Variants in TOX3 observed in about 807,000 individuals in gnomAD.
TOX3 encodes TOX high mobility group box family member 3, also known as CAG trinucleotide repeat-containing gene F9 protein.
TOX3 carries 22 observed loss-of-function variants against 64.3 expected under a neutral mutation model. The observed-to-expected ratio is 0.34, with a 90% CI of 0.24 to 0.49. The LOEUF is 0.49. TOX3 is among the 20% of genes least tolerant of loss of function. The probability of loss-of-function intolerance (pLI) is 0.99; values close to 1 mark genes in which losing one functional copy is unlikely to be tolerated. For synonymous variants in TOX3, 291 were observed against 273.6 expected (o/e 1.06, Z -0.63); for missense variants, 661 against 714.4 (o/e 0.93, Z 0.85).
At chr16:52,498,885 C>G (rs905267494) in intron 1 of TOX3, among the ~76,000 whole-genome samples, 3 of 152,120 alleles carry the variant, frequency 2.0e-5, no homozygotes, top group Non-Finnish European at 4.4e-5. Context: ...GTACGCGGGG[C>G]CTTATCACAG....
chr16:52,489,004 T>G (rs1265000012), intron 1 of TOX3, among the ~76,000 whole-genome samples: 1 of 152,158 alleles, frequency 6.6e-6, no homozygotes, highest in Admixed American at 6.5e-5. Context: ...TGTCCCTCAA[T>G]GGGTAAACAG....
rs536954464 is a variant in TOX3 at position 52,530,207 on chromosome 16, G to A, written c.87+16430C>T. 1.2e-4 allele frequency among the ~76,000 whole-genome samples: 18 copies of A among 152,280 alleles called. No individual in the cohort carries two copies. The South Asian group carries it at 2.3e-3, about 19-fold the overall frequency. ...GGCAACATTTATCATCAGGAAAAGC[G>A]TCCCAGGAAGTTGAATTCTAATGTA... is the stretch of plus-strand genomic sequence containing the variant. On this transcript the variant is annotated intron_variant, in intron 1 of 6. Coordinates refer to ENST00000219746, the MANE Select transcript of TOX3 (RefSeq NM_001080430.4).
chr16:52,480,929 G>A (rs899076741), intron 1 of TOX3, among the ~76,000 whole-genome samples: 1 of 148,306 alleles, frequency 6.7e-6, no homozygotes, highest in Middle Eastern at 3.6e-3. Context: ...TCTGAAGAGA[G>A]TTTTTTTTTT....
intron 1 of TOX3, among the ~76,000 whole-genome samples, chr16:52,477,477 G>A (rs533376486): frequency 1.3e-5 from 2 of 152,310 alleles, no homozygotes; most frequent in South Asian, 4.1e-4. Context: ...AACACTTCAA[G>A]GCTGGCAGGA....
At chr16:52,511,271 A>T (rs1962301278) in intron 1 of TOX3, among the ~76,000 whole-genome samples, 1 of 152,172 alleles carries the variant, frequency 6.6e-6, no homozygotes, top group Non-Finnish European at 1.5e-5. Context: ...AGAAGGGTGG[A>T]TCACGAGGTC....
intron 1 of TOX3, among the ~76,000 whole-genome samples, chr16:52,505,888 A>T (rs965480301): frequency 3.9e-5 from 6 of 152,278 alleles, no homozygotes; most frequent in Non-Finnish European, 7.4e-5. Context: ...AGGTGGGAGG[A>T]TTGATTGAGC....
In TOX3 at chr16:52,475,506, G is replaced by A. The variant is rs138604765; in HGVS notation, c.88-6932C>T. The A allele has an allele frequency of 2.6e-5, 4 of 152,244 alleles. No individual in the cohort carries two copies. In the East Asian group the frequency reaches 7.7e-4, roughly 29 times the overall value. 9.4% of individuals were successfully genotyped at this position (152,244 alleles called of 1,614,324 possible). On this transcript the variant is annotated intron_variant, in intron 1 of 6. Transcript: ENST00000219746. ...CCCAGAACTATCTACCTAGAAAAAG[G>A]CTTTATTCTAGAAAATGCACTAACC... is the stretch of plus-strand genomic sequence containing the variant.
chr16:52,539,128 C>A (rs967062837), intron 1 of TOX3, among the ~76,000 whole-genome samples: 1 of 152,116 alleles, frequency 6.6e-6, no homozygotes, highest in Non-Finnish European at 1.5e-5. Context: ...ACAAATGTGT[C>A]TTCCAAAAAA....
At chr16:52,510,728 C>A (rs115055521) in intron 1 of TOX3, among the ~76,000 whole-genome samples, 3,727 of 128,442 alleles carry the variant, frequency 0.029, 189 homozygotes, top group African/African-American at 0.11. Context: ...TGCACTCCAG[C>A]CTGGGAAACA....
At chr16:52,472,992 C>T (rs1296962985) in intron 1 of TOX3, among the ~76,000 whole-genome samples, 3 of 152,108 alleles carry the variant, frequency 2.0e-5, no homozygotes, top group East Asian at 1.9e-4. Context: ...GCTTTTGCTG[C>T]TTGATGAGTA....
intron 1 of TOX3, among the ~76,000 whole-genome samples, chr16:52,531,529 C>A (rs1375179593): frequency 6.6e-6 from 1 of 152,160 alleles, no homozygotes; most frequent in African/African-American, 2.4e-5. Context: ...GTATAAAAAA[C>A]TTTTTAAAAG....
Position 52,485,260 on chromosome 16 carries a change from A to G in TOX3, c.88-16686T>C, listed in dbSNP as rs1596816158. Among the ~76,000 whole-genome samples, 3 of 146,728 alleles carry G rather than the reference A, an allele frequency of 2.0e-5. 1 individual carries two copies. Among genetic ancestry groups the G allele is most frequent in the African/African-American group, 7.7e-5 (3 of 39,036 alleles). On this transcript the variant is annotated intron_variant, in intron 1 of 6. Transcript: ENST00000219746. ...TATGTGTGTGTGTATATATATATATATATATATATATACATATCTCCCATG... is the reference window on the plus strand; with the variant it reads ...TATGTGTGTGTGTATATATATATATGTATATATATATACATATCTCCCATG...
intron 2 of TOX3, among the ~76,000 whole-genome samples, chr16:52,465,645 C>T (rs985213749): frequency 4.0e-5 from 6 of 151,488 alleles, no homozygotes; most frequent in Admixed American, 2.6e-4. Flanking sequence ...TAATTAAGTG[C>T]TGAAAATCAT....
chr16:52,534,770 TA>T (rs1962915521), intron 1 of TOX3, among the ~76,000 whole-genome samples: 1 of 152,182 alleles, frequency 6.6e-6, no homozygotes, highest in Non-Finnish European at 1.5e-5. Flanking sequence ...ATCATGTTTT[TA>T]AAAAACTGGT....
chr16:52,522,784 C>T (rs182060651), intron 1 of TOX3, among the ~76,000 whole-genome samples: 4 of 152,304 alleles, frequency 2.6e-5, no homozygotes, highest in Non-Finnish European at 1.5e-5. Context: ...CCTATCTGGT[C>T]CCTGTTTCCA....
At chr16:52,522,393 T>C (rs900904692) in intron 1 of TOX3, among the ~76,000 whole-genome samples, 1 of 152,136 alleles carries the variant, frequency 6.6e-6, no homozygotes, top group Non-Finnish European at 1.5e-5. Context: ...TGGTTCCCCT[T>C]GAAAAATCAG....
chr16:52,482,951 GA>G (rs1420847191), intron 1 of TOX3, among the ~76,000 whole-genome samples: 1 of 152,152 alleles, frequency 6.6e-6, no homozygotes, highest in Non-Finnish European at 1.5e-5. Flanking sequence ...TTAGAGGTAT[GA>G]TTTTTTTTTA....
At position 52,437,106 on chromosome 16, in the gene TOX3, C is replaced by T. The variant is rs1959773641; in HGVS notation, c.*2119G>A. 6.6e-6 allele frequency: 1 copy of T among 152,230 alleles called. No individual in the cohort carries two copies. Among genetic ancestry groups the T allele is most frequent in the Non-Finnish European group, 1.5e-5 (1 of 68,040 alleles). The allele number at this position is 152,230 out of a possible 1,614,324, so 9.4% of individuals were successfully genotyped here. ...CTCCCTTGTAGATGTAATTAGGCATCATTCTAAGGCTGTTTGAACACTGAT... is the reference window on the plus strand; with the variant it reads ...CTCCCTTGTAGATGTAATTAGGCATTATTCTAAGGCTGTTTGAACACTGAT... On this transcript the variant is annotated 3_prime_UTR_variant, in exon 7 of 7. Transcript: ENST00000219746.
At chr16:52,465,703 G>T (rs902696285) in intron 2 of TOX3, among the ~76,000 whole-genome samples, 8 of 151,338 alleles carry the variant, frequency 5.3e-5, no homozygotes, top group Non-Finnish European at 8.8e-5. Context: ...CCACTTGAGG[G>T]AAAAGAAAAA....
Sources: allele counts gnomAD v4.1 joint callset (sites outside exome capture counted in the v4.1 genomes callset), GRCh38; gene constraint gnomAD v4.1.1; transcripts MANE v1.5; gene names NCBI Gene and HGNC (gene_info 2026-07-23, HGNC 2026-07-21).